Variants in EBF2 observed in about 807,000 individuals in gnomAD.
The protein encoded by EBF2 is transcription factor COE2.
Under a neutral mutation model 72.8 loss-of-function variants are expected in EBF2, and 21 were observed. The ratio of observed to expected loss-of-function variants is 0.29; its 90% CI spans 0.20 to 0.42. The LOEUF (loss-of-function observed/expected upper bound fraction) is 0.42. Among genes scored for constraint, EBF2 ranks in the 10% least tolerant of loss-of-function variants. EBF2 has a pLI of 1.00. For synonymous variants in EBF2, 299 were observed against 274.2 expected, an observed-to-expected ratio of 1.09 and a Z score of -0.89; for missense variants, 637 against 731.2, an observed-to-expected ratio of 0.87 and a Z score of 1.49.
intron 14 of EBF2, among the ~76,000 whole-genome samples, chr8:25,851,656 T>C (rs1235719641): frequency 6.6e-6 from 1 of 152,194 alleles, no homozygotes; most frequent in African/African-American, 2.4e-5. Flanking sequence ...TTTAGGCACT[T>C]GTGTTAGCAT....
rs534871117 is a variant in EBF2, at chr8:25,949,696, A to T, written c.552-41141T>A. Among the ~76,000 whole-genome samples the T allele has an allele frequency of 4.6e-5, 7 of 152,354 alleles. No homozygotes were observed. The South Asian group carries it at 1.4e-3, about 32-fold the overall frequency. Reference sequence around the variant, plus strand: ...ATCAGGAAAAAAACAAAGTAAGGACATGAGAAAAAAATAGTATTGAAAGTT... The same window carrying T: ...ATCAGGAAAAAAACAAAGTAAGGACTTGAGAAAAAAATAGTATTGAAAGTT... On this transcript the variant is annotated intron_variant, in intron 6 of 15. Transcript: ENST00000520164.
chr8:25,954,127 T>C (rs1803905414), intron 6 of EBF2, among the ~76,000 whole-genome samples: 1 of 152,208 alleles, frequency 6.6e-6, no homozygotes, highest in African/African-American at 2.4e-5. Flanking sequence ...TAAGAACATA[T>C]GTTAGCTCGA....
intron 6 of EBF2, among the ~76,000 whole-genome samples, chr8:25,943,761 T>C (rs1803718774): frequency 6.6e-6 from 1 of 152,178 alleles, no homozygotes; most frequent in Non-Finnish European, 1.5e-5. Flanking sequence ...TTCTCCCCAG[T>C]ATAATTCTCA....
intron 6 of EBF2, among the ~76,000 whole-genome samples, chr8:25,920,797 T>C (rs1182449743): frequency 6.6e-6 from 1 of 152,152 alleles, no homozygotes; most frequent in Non-Finnish European, 1.5e-5. Flanking sequence ...ACCTCACTTC[T>C]AGTTTATTCT....
chr8:25,936,394 C>T (rs1803579939), intron 6 of EBF2, among the ~76,000 whole-genome samples: 1 of 152,180 alleles, frequency 6.6e-6, no homozygotes, highest in Non-Finnish European at 1.5e-5. Context: ...TAAAGGCCTT[C>T]TCAGATTTGT....
chr8:25,960,150 A>C (rs533658936), intron 6 of EBF2, among the ~76,000 whole-genome samples: 1 of 152,342 alleles, frequency 6.6e-6, no homozygotes, highest in South Asian at 2.1e-4. Context: ...CTCCAGTTTT[A>C]GGGATCTCTG....
chr8:26,029,476 G>A (rs771075176), intron 6 of EBF2, among the ~76,000 whole-genome samples: 1 of 152,170 alleles, frequency 6.6e-6, no homozygotes, highest in Non-Finnish European at 1.5e-5. Flanking sequence ...GCAAAGTCCT[G>A]CAAAACCCTG....
intron 10 of EBF2, among the ~76,000 whole-genome samples, chr8:25,877,454 G>C (rs1320464571): frequency 6.6e-6 from 1 of 152,204 alleles, no homozygotes; most frequent in Non-Finnish European, 1.5e-5. Flanking sequence ...TTGCACGTTA[G>C]CAAACCACGG....
chr8:25,883,560 T>C (rs1802638093), intron 10 of EBF2, among the ~76,000 whole-genome samples: 1 of 152,136 alleles, frequency 6.6e-6, no homozygotes, highest in Non-Finnish European at 1.5e-5. Flanking sequence ...GAAATCCATA[T>C]CTAATTGGTC....
intron 6 of EBF2, among the ~76,000 whole-genome samples, chr8:25,959,536 G>A (rs533693093): frequency 1.3e-5 from 2 of 152,268 alleles, no homozygotes; most frequent in South Asian, 4.1e-4. Flanking sequence ...AATGAATTGT[G>A]GTGTAAAAAT....
intron 6 of EBF2, among the ~76,000 whole-genome samples, chr8:26,002,330 G>GA (rs763264246): frequency 2.0e-5 from 3 of 152,134 alleles, no homozygotes; most frequent in East Asian, 1.9e-4. Flanking sequence ...GGGTGTAAGG[G>GA]AAAAAATTAT....
chr8:26,001,466 C>T (rs748977919), intron 6 of EBF2, among the ~76,000 whole-genome samples: 2 of 152,176 alleles, frequency 1.3e-5, no homozygotes, highest in Non-Finnish European at 2.9e-5. Flanking sequence ...AGCAGATGTG[C>T]TTTCTTTTCT....
At chr8:25,859,005 G>A (rs1585262103) in intron 13 of EBF2, among the ~76,000 whole-genome samples, 1 of 151,952 alleles carries the variant, frequency 6.6e-6, no homozygotes, top group East Asian at 1.9e-4. Context: ...ATCTATGTAA[G>A]GCCATGCCCT....
At chr8:25,862,848 A>G in intron 10 of EBF2, 51 bp from the exon 11 acceptor site, 2 of 1,377,236 alleles carry the variant, frequency 1.5e-6, no homozygotes, top group Non-Finnish European at 1.0e-6. Flanking sequence ...TATAAAGCAA[A>G]CCTTCTAATT....
At chr8:25,948,911 G>A (rs529512343) in intron 6 of EBF2, among the ~76,000 whole-genome samples, 4 of 152,290 alleles carry the variant, frequency 2.6e-5, no homozygotes, top group South Asian at 2.1e-4. Flanking sequence ...ACCCCTGGGC[G>A]GCTGTGCGTT....
Position 26,044,127 on chromosome 8 carries a change from C to T in EBF2, c.131+602G>A, listed in dbSNP as rs1449223662. Among the ~76,000 whole-genome samples the T allele has an allele frequency of 4.3e-4, 66 of 152,352 alleles. 1 individual carries two copies. The highest frequency in any genetic ancestry group is 1.0e-4 in the Non-Finnish European group (7 of 68,036). On this transcript the variant is annotated intron_variant, in intron 1 of 15. Transcript: ENST00000520164. The surrounding 1 kb of genome is among the most constrained non-coding windows in gnomAD (Gnocchi z 4.1). ...TCCCTAGCTCCGTTCGTCTGGCTCA[C>T]TGTTTTATCTTTGAGCCGGGACCCT...
At chr8:25,898,677 G>A (rs1222933685) in intron 7 of EBF2, among the ~76,000 whole-genome samples, 1 of 152,180 alleles carries the variant, frequency 6.6e-6, no homozygotes, top group Non-Finnish European at 1.5e-5. Flanking sequence ...GAGAGCCACA[G>A]GGGAGCCATA....
chr8:25,912,499 A>ACACACACACACACAC (rs1375819188), intron 6 of EBF2, among the ~76,000 whole-genome samples: 8 of 72,920 alleles, frequency 1.1e-4, no homozygotes, highest in African/African-American at 2.7e-4. Context: ...CACACACACA[A>ACACACACACACACAC]CAGGAAGAAT....
At chr8:25,882,602 C>G (rs1802622465) in intron 10 of EBF2, among the ~76,000 whole-genome samples, 1 of 152,162 alleles carries the variant, frequency 6.6e-6, no homozygotes, top group Non-Finnish European at 1.5e-5. Flanking sequence ...GTTGTTAAAC[C>G]TTTGCCAGCC....
Sources: allele counts gnomAD v4.1 joint callset (sites outside exome capture counted in the v4.1 genomes callset), GRCh38; gene constraint gnomAD v4.1.1; non-coding constraint Gnocchi (gnomAD v3.1); transcripts MANE v1.5; gene names NCBI Gene and HGNC (gene_info 2026-07-23, HGNC 2026-07-21).